Variants in SLX4IP observed in about 807,000 individuals in gnomAD.
SLX4IP encodes the protein SLX4 interacting protein.
A neutral mutation model predicts 32.9 loss-of-function variants in SLX4IP; 34 were observed. That is an observed-to-expected ratio of 1.03 (90% CI 0.79 to 1.38). SLX4IP has a LOEUF of 1.38. Ranked by LOEUF, SLX4IP falls within the 40% of genes most tolerant of loss-of-function variation. The pLI is 0.00. For synonymous variants in SLX4IP, 172 were observed against 171.7 expected (o/e 1.00, Z -0.01); for missense variants, 444 against 479.0 (o/e 0.93, Z 0.68).
chr20:10,589,360 T>C (rs2066680455), intron 4 of SLX4IP, among the ~76,000 whole-genome samples: 1 of 152,194 alleles, frequency 6.6e-6, no homozygotes, highest in African/African-American at 2.4e-5. Flanking sequence ...GAAAGGGCTT[T>C]TCATGCAACT....
chr20:10,514,992 G>A (rs1019170421), intron 2 of SLX4IP, among the ~76,000 whole-genome samples: 2 of 148,082 alleles, frequency 1.4e-5, no homozygotes, highest in African/African-American at 4.9e-5. Flanking sequence ...CATTTTTGAA[G>A]TATTTTAGAA....
chr20:10,478,177 G>T (rs1568700235), intron 2 of SLX4IP, among the ~76,000 whole-genome samples: 1 of 152,296 alleles, frequency 6.6e-6, no homozygotes, highest in African/African-American at 2.4e-5. Flanking sequence ...CGGATTACAG[G>T]TGTGAGCCAC....
rs1374950088 is a variant in SLX4IP, at chr20:10,627,455, G to T, written c.*4076G>T. ...AATTACTCAGTACAGAAATCTAACC[G>T]TATATATCATTGGTATTGCAATTTA... is the stretch of plus-strand genomic sequence containing the variant. On this transcript the variant is annotated 3_prime_UTR_variant, in exon 8 of 8. Coordinates refer to ENST00000334534, the MANE Select transcript of SLX4IP (RefSeq NM_001009608.3). 6.6e-6 allele frequency: 1 copy of T among 152,180 alleles called. No individual in the cohort carries two copies. The highest frequency in any genetic ancestry group is 1.5e-5 in the Non-Finnish European group (1 of 68,038). 9.4% of individuals were successfully genotyped at this position (152,180 alleles called of 1,614,324 possible).
intron 2 of SLX4IP, among the ~76,000 whole-genome samples, chr20:10,471,438 C>G (rs2065424162): frequency 1.3e-5 from 2 of 152,284 alleles, no homozygotes; most frequent in Non-Finnish European, 2.9e-5. Context: ...CCCAGCATAG[C>G]TGGGTTATGA....
Position 10,623,217 on chromosome 20 carries a change from T to C in SLX4IP, c.1065T>C (p.Ser355=). The C allele has an allele frequency of 6.2e-7, 1 of 1,614,206 alleles. No individual in the cohort carries two copies. The highest frequency in any genetic ancestry group is 8.5e-7 in the Non-Finnish European group (1 of 1,180,036). Residue 355 remains serine, a synonymous_variant, in exon 8 of 8, where the codon TCT becomes TCC. Transcript: ENST00000334534. The stretch of plus-strand genomic sequence containing the variant: ...AACAAGATTTGGCAAAAACCACGTC[T>C]AAGGAAGAGTTGCATGTTTTGGAAA... ...LLKQDLAKTT[S]KEELHVLESL...
chr20:10,493,019 G>T (rs574258346), intron 2 of SLX4IP, among the ~76,000 whole-genome samples: 108 of 152,008 alleles, frequency 7.1e-4, no homozygotes, highest in African/African-American at 2.5e-3. Flanking sequence ...GGCCAGGCTG[G>T]TCTCAAACTC....
At chr20:10,480,106 TC>T (rs1161754119) in intron 2 of SLX4IP, among the ~76,000 whole-genome samples, 1 of 150,084 alleles carries the variant, frequency 6.7e-6, no homozygotes, top group Non-Finnish European at 1.5e-5. Context: ...GAAAAAGTAG[TC>T]ACTCGGTTGG....
chr20:10,564,903 T>G (rs2066373100), intron 4 of SLX4IP, among the ~76,000 whole-genome samples: 1 of 152,248 alleles, frequency 6.6e-6, no homozygotes, highest in South Asian at 2.1e-4. Context: ...TTTTTAATTT[T>G]TGCCAGACTG....
intron 1 of SLX4IP, among the ~76,000 whole-genome samples, chr20:10,457,402 G>T (rs112253614): frequency 5.5e-5 from 8 of 144,608 alleles, no homozygotes; most frequent in African/African-American, 1.8e-4. Flanking sequence ...TATTCCTATT[G>T]TGTTGGCTTT....
chr20:10,470,838 G>A (rs225140), intron 2 of SLX4IP, among the ~76,000 whole-genome samples: 77,080 of 151,960 alleles, frequency 0.51, 21,006 homozygotes, highest in East Asian at 0.82. Flanking sequence ...TTCTTTGATA[G>A]CACTTCTTGA....
In SLX4IP at chr20:10,614,131, C is replaced by T. The variant is rs1568773215; in HGVS notation, c.406-7183C>T. ...ACCTTGTGGTAGCCTCGTCGGACCT[C>T]GCCATCGGAGGCCTCGCGTTGCACG... is the stretch of plus-strand genomic sequence containing the variant. On this transcript the variant is annotated intron_variant, in intron 6 of 7. Transcript: ENST00000334534. 1.4e-5 allele frequency: 20 copies of T among 1,402,602 alleles called. No homozygotes were observed. The East Asian group carries it at 3.2e-4, about 22-fold the overall frequency. The allele number at this position is 1,402,602 out of a possible 1,614,324, so 86.9% of individuals were successfully genotyped here. A position where few individuals can be genotyped will look rare whatever the true frequency, so the allele number is the denominator to read the frequency against.
chr20:10,542,058 G>A (rs1045108306), intron 2 of SLX4IP, among the ~76,000 whole-genome samples: 14 of 152,220 alleles, frequency 9.2e-5, no homozygotes, highest in Non-Finnish European at 1.5e-4. Context: ...AGCCAATGGT[G>A]CATTGGATGG....
chr20:10,443,506 A>G (rs2065174872), intron 1 of SLX4IP, among the ~76,000 whole-genome samples: 1 of 152,188 alleles, frequency 6.6e-6, no homozygotes, highest in Non-Finnish European at 1.5e-5. Flanking sequence ...GTTGGGTCTC[A>G]GAGGATAACT....
intron 2 of SLX4IP, among the ~76,000 whole-genome samples, chr20:10,526,690 C>T (rs1312103600): frequency 6.6e-6 from 1 of 152,182 alleles, no homozygotes; most frequent in Non-Finnish European, 1.5e-5. Flanking sequence ...GTGGCTCATG[C>T]CTGTAATCCC....
At chr20:10,446,158 A>G (rs1035151023) in intron 1 of SLX4IP, among the ~76,000 whole-genome samples, 1 of 151,924 alleles carries the variant, frequency 6.6e-6, no homozygotes, top group African/African-American at 2.4e-5. Flanking sequence ...TCATACCTGT[A>G]ATCCCAGCAC....
At chr20:10,510,755 C>G (rs868312910) in intron 2 of SLX4IP, among the ~76,000 whole-genome samples, 1 of 152,070 alleles carries the variant, frequency 6.6e-6, no homozygotes, top group Non-Finnish European at 1.5e-5. Context: ...CAGGCGCCCA[C>G]CACCATGCAT....
chr20:10,544,866 T>G (rs893803117), intron 2 of SLX4IP, among the ~76,000 whole-genome samples: 2 of 152,120 alleles, frequency 1.3e-5, no homozygotes, highest in Non-Finnish European at 1.5e-5. Flanking sequence ...TCCTTTCTAT[T>G]GTAACCTCAA....
intron 2 of SLX4IP, among the ~76,000 whole-genome samples, chr20:10,479,387 CTG>C: frequency 1.4e-5 from 2 of 139,852 alleles, no homozygotes; most frequent in Non-Finnish European, 3.0e-5. Flanking sequence ...GAGTCTCACT[CTG>C]TCACCCAGGC....
rs2065977884 is a variant in SLX4IP, at chr20:10,530,306, T to C, written c.28-25925T>C. ...TACGTTTAGATAATCCAGTGAATCT[T>C]TGAGCTTTTTCTTTGTGAGGTCTGT... On this transcript the variant is annotated intron_variant, in intron 2 of 7. Transcript: ENST00000334534. Among the ~76,000 whole-genome samples the C allele has an allele frequency of 1.3e-5, 2 of 152,346 alleles. 1 individual carries two copies. Among genetic ancestry groups the C allele is most frequent in the South Asian group, 4.1e-4 (2 of 4,834 alleles).
Sources: allele counts gnomAD v4.1 joint callset (sites outside exome capture counted in the v4.1 genomes callset), GRCh38; gene constraint gnomAD v4.1.1; transcripts MANE v1.5; gene names NCBI Gene and HGNC (gene_info 2026-07-23, HGNC 2026-07-21).